CREB5: variants seen among roughly 807,000 people sequenced by gnomAD.
CREB5 encodes the protein cyclic AMP-responsive element-binding protein 5.
CREB5 carries 19 observed loss-of-function variants against 57.1 expected under a neutral mutation model. The observed-to-expected ratio is 0.33, with a 90% CI of 0.23 to 0.49. The LOEUF (loss-of-function observed/expected upper bound fraction) is 0.49, where lower values mean the gene tolerates loss of function less well. Ranked by LOEUF, CREB5 falls within the 20% of genes least tolerant of loss-of-function variation. The pLI is 0.99. For missense variants in CREB5, 579 were observed against 671.6 expected (o/e 0.86, Z 1.52); for synonymous variants, 238 against 238.3 (o/e 1.00, Z 0.01).
In CREB5 at chr7:28,614,819, G is replaced by A. The variant is rs77860462; in HGVS notation, c.464+44282G>A. Among the ~76,000 whole-genome samples, 657 of 152,062 alleles carry A rather than the reference G, an allele frequency of 4.3e-3. 4 individuals carry two copies. Among genetic ancestry groups the A allele is most frequent in the African/African-American group, 0.015 (608 of 41,492 alleles). ...TGAACAATTATCAGCTTACAATCAC[G>A]TTTCATCCATGTCTCTACTCACTTT... On this transcript the variant is annotated intron_variant, in intron 5 of 10. Coordinates refer to ENST00000357727, the MANE Select transcript of CREB5 (RefSeq NM_182898.4).
chr7:28,711,477 A>G (rs1419099364), intron 5 of CREB5, among the ~76,000 whole-genome samples: 1 of 152,234 alleles, frequency 6.6e-6, no homozygotes, highest in African/African-American at 2.4e-5. Context: ...GGAGCTTGAC[A>G]GTAAGATTTG....
intron 7 of CREB5, among the ~76,000 whole-genome samples, chr7:28,757,071 C>T (rs1045565284): frequency 1.1e-4 from 17 of 152,184 alleles, no homozygotes; most frequent in African/African-American, 3.4e-4. Context: ...CAGTTACTCA[C>T]CCTAATTTTT....
At chr7:28,439,889 C>G (rs1789113926) in intron 1 of CREB5, among the ~76,000 whole-genome samples, 1 of 152,126 alleles carries the variant, frequency 6.6e-6, no homozygotes, top group Admixed American at 6.5e-5. Context: ...CTTGTATGCC[C>G]AGAGCCTAGT....
intron 1 of CREB5, among the ~76,000 whole-genome samples, chr7:28,332,625 T>C (rs1406161287): frequency 6.6e-6 from 1 of 152,138 alleles, no homozygotes. Context: ...AGTGGCACAG[T>C]CCCTGTGTCT....
rs184604995 is a variant in CREB5 at position 28,579,282 on chromosome 7, T to C, written c.464+8745T>C. Among the ~76,000 whole-genome samples the C allele has an allele frequency of 2.1e-4, 32 of 152,350 alleles. 1 individual carries two copies. The highest frequency in any genetic ancestry group is 7.2e-4 in the African/African-American group (30 of 41,586). On this transcript the variant is annotated intron_variant, in intron 5 of 10. Transcript: ENST00000357727. ...ACACTACTTGGCTGACATAGACTGC[T>C]GAAGAAGAATTCTACAAAACGCATT...
intron 5 of CREB5, among the ~76,000 whole-genome samples, chr7:28,683,479 G>A (rs1003618883): frequency 6.6e-6 from 1 of 152,122 alleles, no homozygotes; most frequent in Non-Finnish European, 1.5e-5. Context: ...TTGGGATGTC[G>A]AAGTGTTCTG....
At chr7:28,648,978 T>C (rs1799018372) in intron 5 of CREB5, among the ~76,000 whole-genome samples, 1 of 152,180 alleles carries the variant, frequency 6.6e-6, no homozygotes, top group Non-Finnish European at 1.5e-5. Flanking sequence ...AAATAGAGCT[T>C]TTCTGGATGA....
intron 5 of CREB5, among the ~76,000 whole-genome samples, chr7:28,606,424 C>T (rs540250452): frequency 6.6e-6 from 1 of 152,186 alleles, no homozygotes. Flanking sequence ...ATTCAAATCA[C>T]ACCTTCATAT....
chr7:28,545,233 G>T (rs1287522490), intron 4 of CREB5, among the ~76,000 whole-genome samples: 1 of 152,140 alleles, frequency 6.6e-6, no homozygotes, highest in Non-Finnish European at 1.5e-5. Flanking sequence ...CCAAACAAAA[G>T]AAAACAATCG....
chr7:28,329,466 C>T lies in CREB5; in HGVS notation c.-25+30025C>T, dbSNP rs565135039. ...AAGCCTCTCAGGCTGGCTCAGTGCC[C>T]AAGGTTCTTGCATTTGGAAAACAAA... is the stretch of plus-strand genomic sequence containing the variant. On this transcript the variant is annotated intron_variant, in intron 1 of 9. Transcript: ENST00000396299. Among the ~76,000 whole-genome samples, 174 of 152,304 alleles carry T rather than the reference C, an allele frequency of 1.1e-3. 1 individual carries two copies. Among genetic ancestry groups the T allele is most frequent in the African/African-American group, 4.0e-3 (165 of 41,560 alleles).
chr7:28,743,795 C>T (rs1804513798), intron 7 of CREB5, among the ~76,000 whole-genome samples: 1 of 150,702 alleles, frequency 6.6e-6, no homozygotes, highest in African/African-American at 2.4e-5. Flanking sequence ...GTGTCCTTCC[C>T]CGGTCTTTCT....
intron 5 of CREB5, among the ~76,000 whole-genome samples, chr7:28,604,986 A>T (rs566582282): frequency 6.6e-6 from 1 of 152,150 alleles, no homozygotes; most frequent in Non-Finnish European, 1.5e-5. Flanking sequence ...ACTAGAACCC[A>T]GAACTTGATG....
intron 4 of CREB5, among the ~76,000 whole-genome samples, chr7:28,548,618 G>A (rs940035517): frequency 1.3e-5 from 2 of 152,160 alleles, no homozygotes; most frequent in Non-Finnish European, 2.9e-5. Flanking sequence ...TCAGAGCATA[G>A]AAATTCCCAT....
In CREB5 at chr7:28,351,233, T is replaced by TC. The variant is rs143855479; in HGVS notation, c.-25+51797dup. 2.7e-3 allele frequency among the ~76,000 whole-genome samples: 415 copies of TC among 152,298 alleles called. 2 individuals carry two copies. The highest frequency in any genetic ancestry group is 9.3e-3 in the African/African-American group (386 of 41,560). ...TATGATTTTCTGGAATAGCTTCCAT[T>TC]CCCCCAAGTATCTTCATGAAACAAA... On this transcript the variant is annotated intron_variant, in intron 1 of 9. Transcript: ENST00000396299.
At chr7:28,495,495 T>C (rs1381444309) in intron 3 of CREB5, among the ~76,000 whole-genome samples, 3 of 149,676 alleles carry the variant, frequency 2.0e-5, no homozygotes, top group Non-Finnish European at 3.0e-5. Flanking sequence ...TGAGCTGAGA[T>C]CATGCCACTG....
intron 7 of CREB5, among the ~76,000 whole-genome samples, chr7:28,790,764 A>G (rs1015790182): frequency 1.3e-5 from 2 of 152,172 alleles, no homozygotes; most frequent in African/African-American, 4.8e-5. Context: ...GTTGAGCTTC[A>G]CCTTTGTGAG....
At chr7:28,776,027 G>A (rs1443118313) in intron 7 of CREB5, among the ~76,000 whole-genome samples, 1 of 152,138 alleles carries the variant, frequency 6.6e-6, no homozygotes, top group African/African-American at 2.4e-5. Context: ...TAGAATTTGT[G>A]GTGAGCTTAA....
At chr7:28,797,232 C>T (rs910834330) in intron 7 of CREB5, among the ~76,000 whole-genome samples, 1 of 152,158 alleles carries the variant, frequency 6.6e-6, no homozygotes, top group African/African-American at 2.4e-5. Flanking sequence ...TTCTTGCTTA[C>T]ATTAGATCCG....
chr7:28,814,993 AG>A, intron 9 of CREB5, among the ~76,000 whole-genome samples: 1 of 152,372 alleles, frequency 6.6e-6, no homozygotes, highest in East Asian at 1.9e-4. Flanking sequence ...ATGTCCTGCC[AG>A]GCACAGTGGC....
Sources: allele counts gnomAD v4.1 joint callset (sites outside exome capture counted in the v4.1 genomes callset), GRCh38; gene constraint gnomAD v4.1.1; transcripts MANE v1.5; gene names NCBI Gene and HGNC (gene_info 2026-07-23, HGNC 2026-07-21).